DLGAP2: variants seen among roughly 807,000 people sequenced by gnomAD.
DLGAP2 encodes the protein DLG associated protein 2, also known as disks large-associated protein 2.
In DLGAP2, 26 loss-of-function variants were observed where a neutral mutation model predicts 100.3. The observed-to-expected ratio is 0.26, with a 90% CI of 0.19 to 0.36. DLGAP2 has a LOEUF of 0.36. Among genes scored for constraint, DLGAP2 ranks in the 10% least tolerant of loss-of-function variants. The pLI is 1.00. For synonymous variants in DLGAP2, 886 were observed against 630.1 expected (o/e 1.41, Z -6.08); for missense variants, 1,858 against 1,453.2 (o/e 1.28, Z -4.53).
intron 4 of DLGAP2, among the ~76,000 whole-genome samples, chr8:1,530,978 A>T (rs1014969482): frequency 6.6e-6 from 1 of 152,250 alleles, no homozygotes; most frequent in Non-Finnish European, 1.5e-5. Context: ...TGGATTCCAT[A>T]TATAAATGGT....
intron 3 of DLGAP2, among the ~76,000 whole-genome samples, chr8:1,364,512 G>GT (rs1219324182): frequency 7.1e-6 from 1 of 140,850 alleles, no homozygotes; most frequent in Admixed American, 7.0e-5. Context: ...CGGGGGGGGT[G>GT]CAGCGAAGCA....
intron 3 of DLGAP2, among the ~76,000 whole-genome samples, chr8:1,464,147 A>G (rs79092104): frequency 2.9e-5 from 1 of 34,656 alleles, no homozygotes; most frequent in East Asian, 4.6e-3. Flanking sequence ...GACAGCACCC[A>G]TCCAGGACAG....
intron 2 of DLGAP2, among the ~76,000 whole-genome samples, chr8:1,103,367 A>G (rs111437218): frequency 7.3e-4 from 87 of 119,586 alleles, no homozygotes; most frequent in South Asian, 2.1e-3. Flanking sequence ...GTGATGACTG[A>G]CGGGGACTTG....
rs974617904 is a variant in DLGAP2, at chr8:1,653,464, G to C, written c.1811-14865G>C. 2.6e-5 allele frequency among the ~76,000 whole-genome samples: 4 copies of C among 152,318 alleles called. No homozygotes were observed. In the South Asian group the frequency reaches 8.3e-4, roughly 32 times the overall value. On this transcript the variant is annotated intron_variant, in intron 8 of 14. Coordinates refer to ENST00000637795, the MANE Select transcript of DLGAP2 (RefSeq NM_001346810.2). ...CTGCCGGCTTCCTGGCCCCACAGGT[G>C]TCGTTCATGCTCAGCTAGCTCAAAC... is the stretch of plus-strand genomic sequence containing the variant.
chr8:1,207,278 G>A (rs950306583), intron 2 of DLGAP2, among the ~76,000 whole-genome samples: 4 of 152,050 alleles, frequency 2.6e-5, no homozygotes, highest in Non-Finnish European at 5.9e-5. Context: ...TCATTCTTAC[G>A]CCGTTGCATC....
At chr8:785,982 A>T (rs531557283) in intron 1 of DLGAP2, among the ~76,000 whole-genome samples, 28 of 152,320 alleles carry the variant, frequency 1.8e-4, no homozygotes, top group Admixed American at 1.7e-3. Flanking sequence ...TACCCCGTGG[A>T]GGTGTGATGT....
chr8:847,053 G>A (rs1023249004), intron 1 of DLGAP2, among the ~76,000 whole-genome samples: 5 of 152,116 alleles, frequency 3.3e-5, no homozygotes, highest in Admixed American at 3.3e-4. Context: ...TTGTACAGTT[G>A]GAATTCTTTT....
intron 3 of DLGAP2, among the ~76,000 whole-genome samples, chr8:1,439,928 G>C (rs143855429): frequency 1.2e-3 from 180 of 152,264 alleles, no homozygotes; most frequent in Admixed American, 2.0e-3. Flanking sequence ...ACAGTGAACG[G>C]AGTTTTTATT....
chr8:1,258,196 G>A (rs56140674), intron 2 of DLGAP2, among the ~76,000 whole-genome samples: 13,616 of 152,258 alleles, frequency 0.089, 1,586 homozygotes, highest in African/African-American at 0.27. Context: ...CCTGAAAGGA[G>A]ATGTAACAGA....
chr8:1,338,823 A>AGTG (rs1563092307), intron 3 of DLGAP2, among the ~76,000 whole-genome samples: 2 of 61,826 alleles, frequency 3.2e-5, no homozygotes, highest in African/African-American at 8.0e-5. Context: ...GCAGTGACCT[A>AGTG]AGGGAAGTGT....
At chr8:1,407,723 C>G (rs1226486004) in intron 3 of DLGAP2, among the ~76,000 whole-genome samples, 3 of 128,560 alleles carry the variant, frequency 2.3e-5, no homozygotes, top group Admixed American at 2.3e-4. Flanking sequence ...GTATTGAGTG[C>G]TTACTGAGCG....
chr8:798,848 T>C lies in DLGAP2; in HGVS notation c.18+61023T>C, dbSNP rs1340727080. ...CGTTGGCGCTGAAAGCAAACGCTTG[T>C]TGAGTCAGGACCTGCAGCCCCGTGT... On this transcript the variant is annotated intron_variant, in intron 1 of 14. Coordinates refer to ENST00000637795, the MANE Select transcript of DLGAP2 (RefSeq NM_001346810.2). 2.7e-5 allele frequency among the ~76,000 whole-genome samples: 4 copies of C among 150,642 alleles called. 1 individual carries two copies. The East Asian group carries it at 5.9e-4, about 22-fold the overall frequency.
At chr8:1,212,374 T>C (rs1346212796) in intron 2 of DLGAP2, among the ~76,000 whole-genome samples, 1 of 152,192 alleles carries the variant, frequency 6.6e-6, no homozygotes, top group Non-Finnish European at 1.5e-5. Flanking sequence ...CATGGAGCAT[T>C]AAGAGAACTC....
chr8:1,444,984 A>G (rs554913698), intron 3 of DLGAP2, among the ~76,000 whole-genome samples: 1 of 150,830 alleles, frequency 6.6e-6, no homozygotes, highest in African/African-American at 2.4e-5. Flanking sequence ...GTTAGCCAGG[A>G]TGATCTTGAT....
At chr8:1,216,275 A>T (rs1798210846) in intron 2 of DLGAP2, among the ~76,000 whole-genome samples, 1 of 152,162 alleles carries the variant, frequency 6.6e-6, no homozygotes, top group Non-Finnish European at 1.5e-5. Flanking sequence ...AACTACAGAC[A>T]GCTCAGTCAA....
chr8:789,177 TTC>T (rs1229283094), intron 1 of DLGAP2, among the ~76,000 whole-genome samples: 1 of 152,228 alleles, frequency 6.6e-6, no homozygotes, highest in Non-Finnish European at 1.5e-5. Context: ...TATTAGTTCT[TTC>T]TCACTCTGCT....
At chr8:1,324,652 G>A (rs1800980153) in intron 3 of DLGAP2, among the ~76,000 whole-genome samples, 1 of 152,132 alleles carries the variant, frequency 6.6e-6, no homozygotes, top group Admixed American at 6.5e-5. Context: ...CCTTTGGACT[G>A]GAATTGATTC....
chr8:1,171,122 C>T (rs62488965), intron 2 of DLGAP2, among the ~76,000 whole-genome samples: 28,060 of 151,990 alleles, frequency 0.18, 2,802 homozygotes, highest in Middle Eastern at 0.33. Flanking sequence ...TTTATTTCTG[C>T]CTTCATTTCG....
At chr8:795,007 C>A (rs1053051012) in intron 1 of DLGAP2, among the ~76,000 whole-genome samples, 2 of 152,158 alleles carry the variant, frequency 1.3e-5, no homozygotes, top group East Asian at 3.9e-4. Flanking sequence ...TTTTGAGGTC[C>A]TCCATTTAGT....
Sources: allele counts gnomAD v4.1 joint callset (sites outside exome capture counted in the v4.1 genomes callset), GRCh38; gene constraint gnomAD v4.1.1; transcripts MANE v1.5; gene names NCBI Gene and HGNC (gene_info 2026-07-23, HGNC 2026-07-21).